Variants in ZFPM2 observed in about 807,000 individuals in gnomAD.
The protein encoded by ZFPM2 is zinc finger protein, FOG family member 2.
ZFPM2 carries 20 observed loss-of-function variants against 98.6 expected under a neutral mutation model. The observed-to-expected ratio is 0.20, with a 90% confidence interval of 0.14 to 0.29. ZFPM2 has a LOEUF of 0.29. ZFPM2 is among the 10% of genes least tolerant of loss of function. The probability of loss-of-function intolerance (pLI) is 1.00; values close to 1 mark genes in which losing one functional copy is unlikely to be tolerated. For synonymous variants in ZFPM2, 518 were observed against 502.7 expected (o/e 1.03, Z -0.41); for missense variants, 1,310 against 1,388.6 (o/e 0.94, Z 0.90).
intron 5 of ZFPM2, among the ~76,000 whole-genome samples, chr8:105,637,637 A>G (rs1277850875): frequency 1.2e-4 from 18 of 152,122 alleles, no homozygotes; most frequent in Admixed American, 1.2e-3. Flanking sequence ...CACCCAGAGC[A>G]TGTCCCAAAG....
chr8:105,412,492 G>T (rs1365420016), intron 1 of ZFPM2, among the ~76,000 whole-genome samples: 1 of 151,410 alleles, frequency 6.6e-6, no homozygotes, highest in Non-Finnish European at 1.5e-5. Context: ...TCAAAAAGAA[G>T]AATTTCTACC....
intron 1 of ZFPM2, among the ~76,000 whole-genome samples, chr8:105,408,585 A>C (rs1001175503): frequency 1.3e-5 from 2 of 151,934 alleles, no homozygotes; most frequent in African/African-American, 4.8e-5. Context: ...GGAAATTTGG[A>C]AAATTACACA....
chr8:105,771,945 T>C (rs752882756), intron 5 of ZFPM2, among the ~76,000 whole-genome samples: 7 of 152,196 alleles, frequency 4.6e-5, no homozygotes, highest in Non-Finnish European at 7.3e-5. Flanking sequence ...TGTTCTTAAA[T>C]GGTAATAAGA....
intron 1 of ZFPM2, among the ~76,000 whole-genome samples, chr8:105,391,040 T>G (rs1811096764): frequency 6.6e-6 from 1 of 152,190 alleles, no homozygotes. Context: ...TAAATGTGAT[T>G]GCTGTGGCTC....
chr8:105,715,002 T>A (rs1586215387), intron 5 of ZFPM2, among the ~76,000 whole-genome samples: 1 of 152,096 alleles, frequency 6.6e-6, no homozygotes, highest in Non-Finnish European at 1.5e-5. Flanking sequence ...GTCTTTGGTG[T>A]TCACTTTTGT....
intron 4 of ZFPM2, among the ~76,000 whole-genome samples, chr8:105,575,521 A>C (rs903563285): frequency 3.3e-5 from 5 of 152,206 alleles, no homozygotes; most frequent in African/African-American, 1.2e-4. Context: ...CTAAGGCTTC[A>C]GTGCCAAACC....
chr8:105,600,517 C>G (rs1460791179), intron 4 of ZFPM2, among the ~76,000 whole-genome samples: 1 of 151,790 alleles, frequency 6.6e-6, no homozygotes, highest in African/African-American at 2.4e-5. Flanking sequence ...AGTTTCCCTT[C>G]TGTTGTATTT....
intron 5 of ZFPM2, 58 bp from the exon 6 acceptor site, chr8:105,788,660 T>G: frequency 6.5e-7 from 1 of 1,537,822 alleles, no homozygotes. Flanking sequence ...CAATCTAGTT[T>G]ACAACAGACT....
Position 105,634,185 on chromosome 8 carries a change from T to C in ZFPM2, c.421-61T>C, listed in dbSNP as rs527919185. 155 of 1,241,756 alleles carry C rather than the reference T, an allele frequency of 1.2e-4. 1 individual carries two copies. In the South Asian group the frequency reaches 1.9e-3, roughly 15 times the overall value. The allele number at this position is 1,241,756 out of a possible 1,614,324, so 76.9% of individuals were successfully genotyped here. A position where few individuals can be genotyped will look rare whatever the true frequency, so the allele number is the denominator to read the frequency against. Reference sequence around the variant, plus strand: ...AAAAATAAAATGATTAGTACAGTTATTATTCAAGTTTTTAATCAACGGAAG... The same window carrying C: ...AAAAATAAAATGATTAGTACAGTTACTATTCAAGTTTTTAATCAACGGAAG... On this transcript the variant is annotated intron_variant, in intron 4 of 7. Transcript: ENST00000407775.
At chr8:105,438,508 A>G (rs1812169311) in intron 2 of ZFPM2, among the ~76,000 whole-genome samples, 1 of 152,186 alleles carries the variant, frequency 6.6e-6, no homozygotes, top group Non-Finnish European at 1.5e-5. Context: ...TTACTCGGCA[A>G]TGTATTCTTC....
At chr8:105,724,166 A>G (rs1305435749) in intron 5 of ZFPM2, among the ~76,000 whole-genome samples, 2 of 151,882 alleles carry the variant, frequency 1.3e-5, no homozygotes, top group Admixed American at 6.6e-5. Context: ...CTCACATAAA[A>G]CCTGTATTTT....
intron 3 of ZFPM2, among the ~76,000 whole-genome samples, chr8:105,549,977 A>AG: frequency 1.3e-5 from 2 of 152,254 alleles, no homozygotes; most frequent in East Asian, 3.9e-4. Flanking sequence ...TCTTCAGAGA[A>AG]AATATTTAGT....
At chr8:105,793,712 T>C (rs1235498474) in intron 6 of ZFPM2, among the ~76,000 whole-genome samples, 3 of 152,142 alleles carry the variant, frequency 2.0e-5, no homozygotes, top group Non-Finnish European at 4.4e-5. Context: ...CCCCATCACT[T>C]TCAGATACAC....
At chr8:105,796,442 C>A (rs996791698) in intron 6 of ZFPM2, among the ~76,000 whole-genome samples, 4 of 152,046 alleles carry the variant, frequency 2.6e-5, no homozygotes, top group African/African-American at 9.7e-5. Context: ...AACTGTGTAG[C>A]CTCATGAATA....
At chr8:105,621,995 A>G (rs1816561422) in intron 4 of ZFPM2, among the ~76,000 whole-genome samples, 1 of 152,166 alleles carries the variant, frequency 6.6e-6, no homozygotes, top group Non-Finnish European at 1.5e-5. Flanking sequence ...AAGCAGAATA[A>G]CCTAAATAAC....
intron 3 of ZFPM2, among the ~76,000 whole-genome samples, chr8:105,558,915 G>A (rs1815064056): frequency 6.6e-6 from 1 of 151,914 alleles, no homozygotes; most frequent in South Asian, 2.1e-4. Context: ...ATGTAAGTAA[G>A]TATGGTTGAA....
intron 1 of ZFPM2, among the ~76,000 whole-genome samples, chr8:105,392,051 A>G (rs1425297153): frequency 2.0e-5 from 3 of 152,204 alleles, no homozygotes; most frequent in South Asian, 2.1e-4. Flanking sequence ...TGAAAGTCCA[A>G]CTTTGCAGAA....
chr8:105,568,569 T>C (rs1342218855), intron 4 of ZFPM2, among the ~76,000 whole-genome samples: 1 of 152,176 alleles, frequency 6.6e-6, no homozygotes, highest in Non-Finnish European at 1.5e-5. Flanking sequence ...TCATAACTCC[T>C]GCTTTCGTAA....
chr8:105,411,496 T>C (rs1811576384), intron 1 of ZFPM2, among the ~76,000 whole-genome samples: 1 of 151,800 alleles, frequency 6.6e-6, no homozygotes, highest in African/African-American at 2.4e-5. Context: ...AATGAATAAG[T>C]TAATGAATAA....
Sources: allele counts gnomAD v4.1 joint callset (sites outside exome capture counted in the v4.1 genomes callset), GRCh38; gene constraint gnomAD v4.1.1; transcripts MANE v1.5; gene names NCBI Gene and HGNC (gene_info 2026-07-23, HGNC 2026-07-21).